Variants in PRUNE2 observed in about 807,000 individuals in gnomAD.
PRUNE2 encodes the protein protein prune homolog 2.
Under a neutral mutation model 252.0 loss-of-function variants are expected in PRUNE2, and 164 were observed. The observed-to-expected ratio is 0.65, with a 90% CI of 0.57 to 0.74. PRUNE2 has a LOEUF of 0.74. Ranked by LOEUF, PRUNE2 falls within the 30% of genes least tolerant of loss-of-function variation. The pLI is 0.00. For synonymous variants in PRUNE2, 1,292 were observed against 1,350.2 expected, an observed-to-expected ratio of 0.96 and a Z score of 0.94; for missense variants, 3,495 against 3,711.0, an observed-to-expected ratio of 0.94 and a Z score of 1.51.
At chr9:76,841,022 G>A (rs1441004483) in intron 4 of PRUNE2, among the ~76,000 whole-genome samples, 1 of 151,944 alleles carries the variant, frequency 6.6e-6, no homozygotes, top group Non-Finnish European at 1.5e-5. Flanking sequence ...CTGGCAAGAT[G>A]ATCAAATAGG....
At chr9:76,887,902 T>C (rs1353924974) in intron 1 of PRUNE2, among the ~76,000 whole-genome samples, 1 of 152,136 alleles carries the variant, frequency 6.6e-6, no homozygotes, top group Non-Finnish European at 1.5e-5. Context: ...GAACCGCACC[T>C]AAAATGATTC....
At chr9:76,627,827 C>A (rs1469311457) in intron 16 of PRUNE2, 3 of 423,706 alleles carry the variant, frequency 7.1e-6, no homozygotes, top group Non-Finnish European at 1.4e-5. Context: ...TAAGTTACGT[C>A]CCCTGCATCT....
At chr9:76,638,593 T>C (rs1218276414) in intron 12 of PRUNE2, among the ~76,000 whole-genome samples, 1 of 151,634 alleles carries the variant, frequency 6.6e-6, no homozygotes, top group Non-Finnish European at 1.5e-5. Context: ...TGTGTAAATA[T>C]TCGACATCAC....
At chr9:76,690,484 A>G (rs1357932240) in intron 9 of PRUNE2, among the ~76,000 whole-genome samples, 1 of 152,212 alleles carries the variant, frequency 6.6e-6, no homozygotes, top group Non-Finnish European at 1.5e-5. Flanking sequence ...CTTGTCCTCT[A>G]GCTAGAAAGG....
chr9:76,687,140 C>G (rs550513769), intron 9 of PRUNE2, among the ~76,000 whole-genome samples: 1 of 152,326 alleles, frequency 6.6e-6, no homozygotes, highest in African/African-American at 2.4e-5. Context: ...CCCACATTTG[C>G]TTTCTTTCAA....
intron 18 of PRUNE2, chr9:76,614,988 CAAGT>C (rs1246118175): frequency 3.7e-6 from 2 of 539,556 alleles, no homozygotes; most frequent in African/African-American, 2.1e-5. Flanking sequence ...TGTTCTGCCT[CAAGT>C]AAGTAATGTC....
intron 6 of PRUNE2, among the ~76,000 whole-genome samples, chr9:76,741,997 T>G (rs915736009): frequency 6.6e-6 from 1 of 152,234 alleles, no homozygotes; most frequent in Admixed American, 6.5e-5. Context: ...ATAATTGGTA[T>G]ACATCTGAAG....
chr9:76,650,921 T>A (rs1202474130), intron 11 of PRUNE2, among the ~76,000 whole-genome samples: 1 of 152,082 alleles, frequency 6.6e-6, no homozygotes, highest in Non-Finnish European at 1.5e-5. Flanking sequence ...AGGGGCCAGT[T>A]GGGTCATGCC....
At position 76,636,453 on chromosome 9, in the gene PRUNE2, T is replaced by C. The variant is rs1840110376; in HGVS notation, c.9050+18A>G. On this transcript the variant is annotated intron_variant, in intron 15 of 18. Transcript: ENST00000376718. ...AACTACTAGTAGTACTTTTATTTTA[T>C]GACAACATTAACTGTACCTTATAAA... The C allele has an allele frequency of 7.2e-7, 1 of 1,394,848 alleles. No individual in the cohort carries two copies. Among genetic ancestry groups the C allele is most frequent in the Non-Finnish European group, 9.9e-7 (1 of 1,008,592 alleles). 86.4% of individuals were successfully genotyped at this position (1,394,848 alleles called of 1,614,324 possible).
chr9:76,648,654 C>T (rs1050123835), intron 11 of PRUNE2, among the ~76,000 whole-genome samples: 3 of 151,954 alleles, frequency 2.0e-5, no homozygotes, highest in Admixed American at 1.3e-4. Context: ...CTAGGGGTTG[C>T]GGGAAAGGGA....
intron 9 of PRUNE2, chr9:76,692,039 C>T (rs1192592064): frequency 1.4e-6 from 1 of 717,134 alleles, no homozygotes; most frequent in Non-Finnish European, 2.6e-6. Flanking sequence ...CCTTCCCGTA[C>T]CGATCTCCTA....
At chr9:76,701,838 C>T (rs116110387) in intron 9 of PRUNE2, among the ~76,000 whole-genome samples, 1 of 152,166 alleles carries the variant, frequency 6.6e-6, no homozygotes, top group Non-Finnish European at 1.5e-5. Flanking sequence ...TGTTTCCACA[C>T]AAATTAAGTT....
At chr9:76,691,716 C>A (rs142236524) in intron 9 of PRUNE2, among the ~76,000 whole-genome samples, 190 of 152,318 alleles carry the variant, frequency 1.2e-3, no homozygotes, top group African/African-American at 4.5e-3. Flanking sequence ...TAGTCCCAAA[C>A]AGTTTCAAAT....
chr9:76,681,610 G>A (rs1212675613), intron 9 of PRUNE2, among the ~76,000 whole-genome samples: 1 of 146,284 alleles, frequency 6.8e-6, no homozygotes, highest in African/African-American at 2.5e-5. Context: ...CTGTGTGGGT[G>A]CCCACCCAGG....
chr9:76,697,326 TC>T (rs1448302465), intron 9 of PRUNE2, among the ~76,000 whole-genome samples: 1 of 152,102 alleles, frequency 6.6e-6, no homozygotes, highest in Non-Finnish European at 1.5e-5. Context: ...GGCTGTAAAA[TC>T]CCTCACCACA....
At chr9:76,654,900 G>C (rs1050247710) in intron 10 of PRUNE2, among the ~76,000 whole-genome samples, 1 of 152,198 alleles carries the variant, frequency 6.6e-6, no homozygotes, top group Non-Finnish European at 1.5e-5. Flanking sequence ...TAATGCAAGA[G>C]AGTGACCCTG....
intron 6 of PRUNE2, among the ~76,000 whole-genome samples, chr9:76,717,912 G>C (rs1186031301): frequency 6.6e-6 from 1 of 152,170 alleles, no homozygotes; most frequent in African/African-American, 2.4e-5. Flanking sequence ...CTTGTTGTCT[G>C]AGTAATTTCT....
intron 6 of PRUNE2, among the ~76,000 whole-genome samples, chr9:76,799,245 G>A (rs922802280): frequency 2.6e-5 from 4 of 151,876 alleles, no homozygotes; most frequent in African/African-American, 9.7e-5. Flanking sequence ...AAAGGCTGAG[G>A]CAGGAGAATT....
chr9:76,660,798 A>AAAAAAAAAAAAAAAAAG (rs1554669341), intron 9 of PRUNE2, among the ~76,000 whole-genome samples: 2 of 141,026 alleles, frequency 1.4e-5, no homozygotes, highest in Non-Finnish European at 1.5e-5. Context: ...AAAAAAAAAA[A>AAAAAAAAAAAAAAAAAG]AAAGAAAGAA....
Sources: gnomAD v4.1 joint callset for allele counts (sites outside exome capture counted in the v4.1 genomes callset) on GRCh38, gnomAD v4.1.1 for gene constraint, MANE v1.5 for transcripts, NCBI Gene and HGNC (gene_info 2026-07-23, HGNC 2026-07-21) for gene names.